Variants in BOLL observed in about 807,000 individuals in gnomAD.
BOLL encodes the protein protein boule-like.
BOLL carries 23 observed loss-of-function variants against 44.4 expected under a neutral mutation model. The observed-to-expected ratio is 0.52, with a 90% CI of 0.37 to 0.73. BOLL has a LOEUF of 0.73. Among genes scored for constraint, BOLL ranks in the 30% least tolerant of loss-of-function variants. The probability of loss-of-function intolerance (pLI) is 0.00; values close to 1 mark genes in which losing one functional copy is unlikely to be tolerated. For missense variants in BOLL, 287 were observed against 338.3 expected (o/e 0.85, Z 1.19); for synonymous variants, 97 against 110.8 (o/e 0.88, Z 0.78).
intron 10 of BOLL, among the ~76,000 whole-genome samples, chr2:197,742,485 TA>T (rs1200364644): frequency 6.6e-6 from 1 of 152,132 alleles, no homozygotes; most frequent in African/African-American, 2.4e-5. Context: ...TATGCAGCCA[TA>T]AAAAATGATG....
intron 10 of BOLL, among the ~76,000 whole-genome samples, chr2:197,741,797 C>A (rs554338098): frequency 2.3e-3 from 343 of 152,094 alleles, no homozygotes; most frequent in African/African-American, 8.0e-3. Flanking sequence ...GCAACAAAAG[C>A]CAAAATTGAC....
chr2:197,747,411 G>A lies in BOLL; in HGVS notation c.730-4252C>T, dbSNP rs148594582. Reference sequence around the variant, plus strand: ...ATCCTGGCTAACACGGTGAAACCCCGTCTCTACTAAAAATACAAAAAATTA... The same window carrying A: ...ATCCTGGCTAACACGGTGAAACCCCATCTCTACTAAAAATACAAAAAATTA... On this transcript the variant is annotated intron_variant, in intron 9 of 10. Coordinates refer to ENST00000392296, the MANE Select transcript of BOLL (RefSeq NM_033030.6). Among the ~76,000 whole-genome samples, 613 of 151,676 alleles carry A rather than the reference G, an allele frequency of 4.0e-3. 3 individuals are homozygous for A. Among genetic ancestry groups the A allele is most frequent in the African/African-American group, 0.014 (585 of 41,382 alleles).
chr2:197,766,475 T>G (rs1462671964), intron 7 of BOLL, 57 bp downstream of exon 7: 6 of 1,356,324 alleles, frequency 4.4e-6, no homozygotes, highest in Non-Finnish European at 6.3e-6. Context: ...TAAATGAAAG[T>G]TAGCTAAGAA....
At chr2:197,783,253 G>A (rs1020290001) in intron 1 of BOLL, among the ~76,000 whole-genome samples, 26 of 152,200 alleles carry the variant, frequency 1.7e-4, no homozygotes, top group Admixed American at 1.5e-3. Flanking sequence ...TCAGGAGTTC[G>A]AGACCAGCCT....
intron 10 of BOLL, among the ~76,000 whole-genome samples, chr2:197,736,502 C>T (rs1043579111): frequency 9.2e-5 from 14 of 151,912 alleles, no homozygotes; most frequent in South Asian, 2.1e-4. Context: ...CTAATTTCTT[C>T]GTTTTGCTAA....
At chr2:197,781,670 A>C (rs978697090) in intron 2 of BOLL, 52 bp downstream of exon 2, 1 of 1,375,742 alleles carries the variant, frequency 7.3e-7, no homozygotes, top group Non-Finnish European at 9.6e-7. Flanking sequence ...ATTTCTGAGA[A>C]ATAAAGACTT....
intron 5 of BOLL, chr2:197,774,002 AT>A (rs974899285): frequency 2.2e-6 from 1 of 457,096 alleles, no homozygotes; most frequent in African/African-American, 2.0e-5. Context: ...TTTAACACCT[AT>A]TTTTCTTCGC....
intron 10 of BOLL, among the ~76,000 whole-genome samples, chr2:197,734,685 C>T (rs1464293043): frequency 6.6e-6 from 1 of 152,132 alleles, no homozygotes; most frequent in African/African-American, 2.4e-5. Context: ...TGGAAACCAT[C>T]ATTCTCAGCA....
intron 10 of BOLL, among the ~76,000 whole-genome samples, chr2:197,742,582 C>T (rs1030454390): frequency 2.0e-5 from 3 of 151,732 alleles, no homozygotes; most frequent in Non-Finnish European, 4.4e-5. Context: ...CCAAACACCG[C>T]ATGTTCTCAC....
chr2:197,742,861 T>C (rs1478900467), intron 10 of BOLL, among the ~76,000 whole-genome samples, 200 bp downstream of exon 10: 2 of 152,026 alleles, frequency 1.3e-5, no homozygotes, highest in African/African-American at 4.8e-5. Flanking sequence ...ATTTTTAAGT[T>C]GCATATATTA....
intron 9 of BOLL, among the ~76,000 whole-genome samples, chr2:197,749,782 C>A (rs369009031): frequency 6.6e-6 from 1 of 151,980 alleles, no homozygotes; most frequent in Non-Finnish European, 1.5e-5. Flanking sequence ...AAAAGTGACA[C>A]GGGGAATGGA....
chr2:197,776,908 T>C (rs1185500830), intron 4 of BOLL, 151 bp downstream of exon 4: 3 of 515,242 alleles, frequency 5.8e-6, no homozygotes, highest in Non-Finnish European at 1.0e-5. Context: ...GAATTTGCTC[T>C]TCTGCAGATT....
At chr2:197,779,450 T>C (rs1208537589) in intron 2 of BOLL, among the ~76,000 whole-genome samples, 1 of 151,966 alleles carries the variant, frequency 6.6e-6, no homozygotes, top group East Asian at 1.9e-4. Flanking sequence ...TCAGAGACAG[T>C]CATGGCAGTG....
chr2:197,785,170 G>C lies in BOLL; in HGVS notation c.-130C>G. The C allele has an allele frequency of 1.0e-6, 1 of 985,968 alleles. No homozygotes were observed. Among genetic ancestry groups the C allele is most frequent in the Non-Finnish European group, 1.2e-6 (1 of 829,928 alleles). 61.1% of individuals were successfully genotyped at this position (985,968 alleles called of 1,614,324 possible). A position where few individuals can be genotyped will look rare whatever the true frequency, so the allele number is the denominator to read the frequency against. Reference sequence around the variant, plus strand: ...GTTCTCTCGGGTCATCGTGAACTTGGGCACCGAAACGAGGATCCACCCCCT... The same window carrying C: ...GTTCTCTCGGGTCATCGTGAACTTGCGCACCGAAACGAGGATCCACCCCCT... On this transcript the variant is annotated 5_prime_UTR_variant, in exon 1 of 11. Transcript: ENST00000392296. The surrounding 1 kb of genome is among the most constrained non-coding windows in gnomAD (Gnocchi z 6.7).
At chr2:197,784,525 G>A (rs1021940233) in intron 1 of BOLL, 2 of 171,860 alleles carry the variant, frequency 1.2e-5, no homozygotes, top group Non-Finnish European at 2.2e-5. Context: ...CCGCCTCCCT[G>A]GTTCAAGAGA....
chr2:197,742,143 T>A (rs1687771194), intron 10 of BOLL, among the ~76,000 whole-genome samples: 1 of 152,162 alleles, frequency 6.6e-6, no homozygotes, highest in Admixed American at 6.5e-5. Context: ...AGAATGGCGA[T>A]CATTAAAAAG....
At chr2:197,743,597 C>T (rs1170719389) in intron 9 of BOLL, among the ~76,000 whole-genome samples, 7 of 151,952 alleles carry the variant, frequency 4.6e-5, no homozygotes, top group East Asian at 1.9e-4. Context: ...TTCTAGTAGA[C>T]GTATACTGTT....
At chr2:197,776,987 T>C (rs950536256) in intron 4 of BOLL, 72 bp downstream of exon 4, 4 of 1,222,050 alleles carry the variant, frequency 3.3e-6, no homozygotes, top group Admixed American at 4.2e-5. Context: ...ATTATTGTAT[T>C]TGAACCCCGA....
intron 10 of BOLL, among the ~76,000 whole-genome samples, chr2:197,733,723 A>C (rs1350617342): frequency 6.6e-6 from 1 of 152,152 alleles, no homozygotes; most frequent in Non-Finnish European, 1.5e-5. Flanking sequence ...AGGATTCCCT[A>C]TTTAATAAAT....
Sources: allele counts gnomAD v4.1 joint callset (sites outside exome capture counted in the v4.1 genomes callset), GRCh38; gene constraint gnomAD v4.1.1; non-coding constraint Gnocchi (gnomAD v3.1); transcripts MANE v1.5; gene names NCBI Gene and HGNC (gene_info 2026-07-23, HGNC 2026-07-21).